IL18R1: variants seen among roughly 807,000 people sequenced by gnomAD.
The protein encoded by IL18R1 is interleukin-18 receptor 1.
IL18R1 carries 40 observed loss-of-function variants against 48.5 expected under a neutral mutation model. That is an observed-to-expected ratio of 0.82 (90% CI 0.64 to 1.07). The LOEUF (loss-of-function observed/expected upper bound fraction) is 1.07. IL18R1 is among the 50% of genes least tolerant of loss of function. The probability of loss-of-function intolerance (pLI) is 0.00; values close to 1 mark genes in which losing one functional copy is unlikely to be tolerated. For synonymous variants in IL18R1, 232 were observed against 225.9 expected (o/e 1.03, Z -0.24); for missense variants, 596 against 633.7 (o/e 0.94, Z 0.64).
rs545609877 is a variant in IL18R1 at position 102,372,178 on chromosome 2, G to A, written c.468+60G>A. The stretch of plus-strand genomic sequence containing the variant: ...GATGGAAAAGATAAAATTCCCAAAT[G>A]AGGGGCTGAGAGCTACCATTCTGGT... On this transcript the variant is annotated intron_variant, in intron 4 of 10. Coordinates refer to ENST00000233957, the MANE Select transcript of IL18R1 (RefSeq NM_003855.5). 582 of 1,326,678 alleles carry A rather than the reference G, an allele frequency of 4.4e-4. 1 individual carries two copies. The African/African-American group carries it at 8.1e-3, about 18-fold the overall frequency. The allele number at this position is 1,326,678 out of a possible 1,614,324, so 82.2% of individuals were successfully genotyped here. A position where few individuals can be genotyped will look rare whatever the true frequency, so the allele number is the denominator to read the frequency against.
At chr2:102,378,584 C>T (rs1009235077) in intron 5 of IL18R1, among the ~76,000 whole-genome samples, 149 of 152,348 alleles carry the variant, frequency 9.8e-4, no homozygotes, top group African/African-American at 3.3e-3. Context: ...CCCCCATGGC[C>T]TCTTGTTTGT....
rs560881509 is a variant in IL18R1 at position 102,394,634 on chromosome 2, G to A, written c.1270+7G>A. 8.8e-6 allele frequency: 14 copies of A among 1,583,778 alleles called. No individual in the cohort carries two copies. The African/African-American group carries it at 1.8e-4, about 20-fold the overall frequency. Reference sequence around the variant, plus strand: ...GATGTAGTGCCTGGAGGAGGTAAGAGGGAATGCCAGATAGAAAAATATTCA... The same window carrying A: ...GATGTAGTGCCTGGAGGAGGTAAGAAGGAATGCCAGATAGAAAAATATTCA... On this transcript the variant is annotated splice_region_variant and intron_variant, in intron 10 of 10. Coordinates refer to ENST00000233957, the MANE Select transcript of IL18R1 (RefSeq NM_003855.5).
rs1029654781 is a variant in IL18R1, at chr2:102,397,709, A to G, written c.*823A>G. ...TTAGCCATTGAATAGCAAAAAACTG[A>G]TAGTTACTTGCTTGTTTTTTAAAAA... On this transcript the variant is annotated 3_prime_UTR_variant, in exon 11 of 11. Coordinates refer to ENST00000233957, the MANE Select transcript of IL18R1 (RefSeq NM_003855.5). 6.6e-6 allele frequency: 1 copy of G among 152,350 alleles called. No individual in the cohort carries two copies. The highest frequency in any genetic ancestry group is 6.5e-5 in the Admixed American group (1 of 15,278). The allele number at this position is 152,350 out of a possible 1,614,324, so 9.4% of individuals were successfully genotyped here.
In IL18R1 at chr2:102,386,999, A is replaced by G. The variant is rs755980971; in HGVS notation, c.948A>G (p.Lys316=). The change falls in exon 8 of 11, where the codon AAA becomes AAG. Residue 316 remains lysine, a splice_region_variant and synonymous_variant. Transcript: ENST00000233957. ...CCAAAAGCTTCATCTTGGTGAGAAA[A>G]GGTGAGAAAGATTTATTTTTGGAAG... ...TDTKSFILVR[K]ADMADIPGHV... 6.2e-6 allele frequency: 10 copies of G among 1,609,614 alleles called. No homozygotes were observed. Among genetic ancestry groups the G allele is most frequent in the Non-Finnish European group, 8.5e-6 (10 of 1,178,998 alleles).
At chr2:102,391,774 G>A (rs1366777681) in intron 9 of IL18R1, among the ~76,000 whole-genome samples, 2 of 152,174 alleles carry the variant, frequency 1.3e-5, no homozygotes, top group Non-Finnish European at 2.9e-5. Flanking sequence ...TTGTATTTAA[G>A]TGACATTTTA....
chr2:102,387,862 T>C (rs376083110), intron 8 of IL18R1, among the ~76,000 whole-genome samples: 1 of 148,404 alleles, frequency 6.7e-6, no homozygotes, highest in Non-Finnish European at 1.5e-5. Flanking sequence ...TCTAGAGAGA[T>C]GAAGACAGAA....
At position 102,386,844 on chromosome 2, in the gene IL18R1, A is replaced by G. The variant is rs575694615; in HGVS notation, c.810-17A>G. On this transcript the variant is annotated splice_polypyrimidine_tract_variant and intron_variant, in intron 7 of 10. Coordinates refer to ENST00000233957, the MANE Select transcript of IL18R1 (RefSeq NM_003855.5). ...AACGAACAGAGCCTACTGCTAAATT[A>G]TTTTGCCCTCTTACAGGACTCCAGA... 2.2e-5 allele frequency: 35 copies of G among 1,613,504 alleles called. No individual in the cohort carries two copies. The South Asian group carries it at 3.7e-4, about 17-fold the overall frequency.
chr2:102,363,734 A>G (rs1678723890), intron 2 of IL18R1, among the ~76,000 whole-genome samples: 1 of 152,214 alleles, frequency 6.6e-6, no homozygotes, highest in South Asian at 2.1e-4. Flanking sequence ...ACTTTTCATG[A>G]ATGTTTCACT....
chr2:102,396,723 C>T lies in IL18R1; in HGVS notation c.1463C>T (p.Ser488Leu), dbSNP rs1680844691. 3 of 1,614,036 alleles carry T rather than the reference C, an allele frequency of 1.9e-6. No individual in the cohort carries two copies. Among genetic ancestry groups the T allele is most frequent in the Non-Finnish European group, 2.5e-6 (3 of 1,179,994 alleles). ...ACTGACTTCACATTCTTGCCCCAAT[C>T]ACTAAAGCTTTTGAAATCTCACAGA... ...PVTDFTFLPQ[S>L]LKLLKSHRVL... Residue 488 changes from serine (S) to leucine (L), a missense_variant, in exon 11 of 11, where the codon TCA (serine) becomes TTA (leucine). Transcript: ENST00000233957.
intron 3 of IL18R1, among the ~76,000 whole-genome samples, chr2:102,371,119 C>T (rs11465602): frequency 0.038 from 5,682 of 151,092 alleles, 484 homozygotes; most frequent in Admixed American, 0.2. Flanking sequence ...TGCAATGGCG[C>T]GATCTCCACT....
In IL18R1 at chr2:102,394,619, C is replaced by A; in HGVS notation, c.1262C>A (p.Pro421His). The A allele has an allele frequency of 6.2e-7, 1 of 1,603,132 alleles. No homozygotes were observed. The highest frequency in any genetic ancestry group is 1.1e-5 in the South Asian group (1 of 89,684). The change falls in exon 10 of 11, where the codon CCT becomes CAT. Residue 421 changes from proline to histidine, a missense_variant. This residue lies in a region of IL18R1 where 179 missense variants were observed against 206.1 expected (regional missense o/e 0.87). Transcript: ENST00000233957. Reference protein sequence around the residue: ...KLCIFERDVVPGGAVVDEIHS... With the variant: ...KLCIFERDVVHGGAVVDEIHS... ...TGCATATTTGAAAGGGATGTAGTGC[C>A]TGGAGGAGGTAAGAGGGAATGCCAG...
chr2:102,363,339 G>A (rs1234350421), intron 2 of IL18R1, among the ~76,000 whole-genome samples: 1 of 152,072 alleles, frequency 6.6e-6, no homozygotes, highest in Non-Finnish European at 1.5e-5. Context: ...CTAGGAGAGG[G>A]AAACACATGG....
At chr2:102,367,505 TTGTAA>T (rs1336266598) in intron 2 of IL18R1, among the ~76,000 whole-genome samples, 1 of 152,180 alleles carries the variant, frequency 6.6e-6, no homozygotes, top group Non-Finnish European at 1.5e-5. Context: ...TATGAAGAAG[TTGTAA>T]TGTGTAATAT....
At chr2:102,365,057 G>T (rs1300652967) in intron 2 of IL18R1, among the ~76,000 whole-genome samples, 1 of 151,884 alleles carries the variant, frequency 6.6e-6, no homozygotes, top group Non-Finnish European at 1.5e-5. Flanking sequence ...TCCACCCCTG[G>T]CCTCTCCCAA....
intron 10 of IL18R1, among the ~76,000 whole-genome samples, 179 bp downstream of exon 10, chr2:102,394,806 A>G (rs1215563655): frequency 6.6e-6 from 1 of 152,218 alleles, no homozygotes; most frequent in Non-Finnish European, 1.5e-5. Flanking sequence ...TGAGCTTCCA[A>G]TAGTCTCTTC....
rs1680923854 is a variant in IL18R1 at position 102,398,315 on chromosome 2, T to C, written c.*1429T>C. The stretch of plus-strand genomic sequence containing the variant: ...CTATTCAAGAAAATCACCAAGTGAC[T>C]GTGAAACCGTCAGTTCGGAAGGCTG... On this transcript the variant is annotated 3_prime_UTR_variant, in exon 11 of 11. Coordinates refer to ENST00000233957, the MANE Select transcript of IL18R1 (RefSeq NM_003855.5). 1 of 152,356 alleles carries C rather than the reference T, an allele frequency of 6.6e-6. No individual in the cohort carries two copies. Among genetic ancestry groups the C allele is most frequent in the Non-Finnish European group, 1.5e-5 (1 of 68,042 alleles). The allele number at this position is 152,356 out of a possible 1,614,324, so 9.4% of individuals were successfully genotyped here. A position where few individuals can be genotyped will look rare whatever the true frequency, so the allele number is the denominator to read the frequency against.
chr2:102,394,128 C>A (rs2287034), intron 9 of IL18R1, among the ~76,000 whole-genome samples: 33,803 of 151,866 alleles, frequency 0.22, 4,412 homozygotes, highest in East Asian at 0.41. Context: ...TATGAGTAAA[C>A]CAGGGTGAGA....
chr2:102,386,957 C>A lies in IL18R1; in HGVS notation c.906C>A (p.Ser302Arg), dbSNP rs1379163605. The change falls in exon 8 of 11, where the codon AGC (serine) becomes AGA (arginine). Residue 302 changes from serine (S) to arginine (R), a missense_variant. Ser to Arg is a moderately radical substitution (Grantham distance 110). This residue lies in a region of IL18R1 where 57 missense variants were observed against 88.2 expected (regional missense o/e 0.65). Coordinates refer to ENST00000233957, the MANE Select transcript of IL18R1 (RefSeq NM_003855.5). ...TTTTATATAATTGCACTGTGGCCAG[C>A]ACGGGAGGCACAGACACCAAAAGCT... ...LNVLYNCTVA[S>R]TGGTDTKSFI... 2.5e-6 allele frequency: 4 copies of A among 1,613,660 alleles called. No individual in the cohort carries two copies.
chr2:102,387,868 CAGAAAG>C (rs551483793), intron 8 of IL18R1, among the ~76,000 whole-genome samples: 90 of 150,810 alleles, frequency 6.0e-4, no homozygotes, highest in Middle Eastern at 3.4e-3. Context: ...GAGATGAAGA[CAGAAAG>C]AGAAAGAGAA....
Sources: gnomAD v4.1 joint callset for allele counts (sites outside exome capture counted in the v4.1 genomes callset) on GRCh38, gnomAD v4.1.1 for gene constraint, gnomAD v4.1.1 regional missense constraint, MANE v1.5 for transcripts, NCBI Gene and HGNC (gene_info 2026-07-23, HGNC 2026-07-21) for gene names.